The following EYS variants were observed in gnomAD, a reference collection of about 807,000 sequenced individuals.
EYS encodes protein eyes shut homolog.
In EYS, 250 loss-of-function variants were observed where a neutral mutation model predicts 282.1. The observed-to-expected ratio is 0.89, with a 90% CI of 0.80 to 0.98. The LOEUF (loss-of-function observed/expected upper bound fraction) is 0.98. Ranked by LOEUF, EYS falls within the 50% of genes least tolerant of loss-of-function variation. The pLI, the probability that EYS is intolerant of heterozygous loss-of-function variation, is 0.00. For missense variants in EYS, 4,016 were observed against 3,709.0 expected (o/e 1.08, Z -2.15); for synonymous variants, 1,355 against 1,282.9 (o/e 1.06, Z -1.20).
chr6:65,531,973 T>C (rs1767786576), intron 2 of EYS, among the ~76,000 whole-genome samples: 1 of 152,158 alleles, frequency 6.6e-6, no homozygotes, highest in Non-Finnish European at 1.5e-5. Context: ...TGTAAGTTAC[T>C]GTGTGATGTG....
chr6:63,951,877 T>G (rs2149766357), intron 35 of EYS, among the ~76,000 whole-genome samples: 1 of 152,314 alleles, frequency 6.6e-6, no homozygotes, highest in Middle Eastern at 3.4e-3. Context: ...AACCCTGAGA[T>G]GCTTTACAGC....
chr6:65,499,702 G>A (rs1766380025), intron 2 of EYS, among the ~76,000 whole-genome samples: 1 of 151,980 alleles, frequency 6.6e-6, no homozygotes, highest in African/African-American at 2.4e-5. Flanking sequence ...GTGAAAATGT[G>A]TGTTTCAGAA....
intron 31 of EYS, among the ~76,000 whole-genome samples, chr6:64,149,905 A>C (rs544212032): frequency 7.2e-5 from 11 of 152,290 alleles, no homozygotes; most frequent in African/African-American, 2.4e-4. Context: ...CCCTGCCTTC[A>C]TGGGGGTGGA....
intron 31 of EYS, among the ~76,000 whole-genome samples, chr6:64,086,579 C>T (rs1257873523): frequency 6.6e-6 from 1 of 152,100 alleles, no homozygotes; most frequent in Non-Finnish European, 1.5e-5. Context: ...GAACGTTCTT[C>T]CTCAAATCCT....
At chr6:64,546,201 C>T (rs1175849407) in intron 26 of EYS, among the ~76,000 whole-genome samples, 5 of 152,008 alleles carry the variant, frequency 3.3e-5, no homozygotes, top group African/African-American at 7.3e-5. Context: ...AGAACAGAGC[C>T]CTCAGAAATA....
intron 11 of EYS, among the ~76,000 whole-genome samples, chr6:65,309,163 T>A (rs1769088808): frequency 6.6e-6 from 1 of 152,124 alleles, no homozygotes; most frequent in Non-Finnish European, 1.5e-5. Context: ...TATTCTTTCG[T>A]CAGATTTCCT....
intron 22 of EYS, among the ~76,000 whole-genome samples, chr6:64,796,120 C>A (rs771250354): frequency 6.6e-6 from 1 of 152,180 alleles, no homozygotes; most frequent in Non-Finnish European, 1.5e-5. Flanking sequence ...TGAGGCAGTA[C>A]TGAAAGAAGA....
At chr6:65,153,537 A>T (rs1282453289) in intron 12 of EYS, among the ~76,000 whole-genome samples, 1 of 151,756 alleles carries the variant, frequency 6.6e-6, no homozygotes, top group South Asian at 2.1e-4. Context: ...CACCATATCT[A>T]CACGAAGGCT....
chr6:64,423,757 G>A (rs766599776), intron 28 of EYS, among the ~76,000 whole-genome samples: 4 of 152,100 alleles, frequency 2.6e-5, no homozygotes, highest in African/African-American at 7.2e-5. Context: ...GCAGTGAGCC[G>A]AGATCATGCC....
chr6:64,788,803 C>A (rs1774097070), intron 22 of EYS, among the ~76,000 whole-genome samples: 1 of 152,156 alleles, frequency 6.6e-6, no homozygotes, highest in African/African-American at 2.4e-5. Context: ...GTTAATACAT[C>A]TTTTCTCTTG....
Position 63,781,181 on chromosome 6 carries a change from G to A in EYS, c.7724-3001C>T, listed in dbSNP as rs1043787092. Among the ~76,000 whole-genome samples, 21 of 152,316 alleles carry A rather than the reference G, an allele frequency of 1.4e-4. No homozygotes were observed. In the South Asian group the frequency reaches 2.3e-3, roughly 17 times the overall value. On this transcript the variant is annotated intron_variant, in intron 39 of 42. Coordinates refer to ENST00000503581, the MANE Select transcript of EYS (RefSeq NM_001142800.2). ...GTAGTATAGTTTGAAGTCACGTAGCGTGATGCCTCCAGGTTTGTCCTTTTT... is the reference window on the plus strand; with the variant it reads ...GTAGTATAGTTTGAAGTCACGTAGCATGATGCCTCCAGGTTTGTCCTTTTT...
chr6:63,923,551 T>A (rs1033708354), intron 35 of EYS, among the ~76,000 whole-genome samples: 10 of 152,196 alleles, frequency 6.6e-5, no homozygotes, highest in East Asian at 1.9e-4. Context: ...CTTTAAAAAA[T>A]TTTTATAAGA....
chr6:63,842,872 C>A (rs992312845), intron 36 of EYS, among the ~76,000 whole-genome samples: 9 of 152,046 alleles, frequency 5.9e-5, no homozygotes, highest in Admixed American at 2.0e-4. Context: ...GAATTTTTTC[C>A]CCATTGCTTG....
chr6:64,058,585 CT>C (rs796639872), intron 33 of EYS, among the ~76,000 whole-genome samples: 2 of 152,280 alleles, frequency 1.3e-5, no homozygotes, highest in African/African-American at 4.8e-5. Flanking sequence ...GATGTTTCCC[CT>C]GAATCTTACT....
chr6:64,130,750 T>G (rs1773947864), intron 31 of EYS, among the ~76,000 whole-genome samples: 1 of 152,002 alleles, frequency 6.6e-6, no homozygotes, highest in African/African-American at 2.4e-5. Context: ...CAACTAAACA[T>G]GGCATATTAG....
intron 12 of EYS, among the ~76,000 whole-genome samples, chr6:65,295,201 G>A (rs1367325198): frequency 6.6e-6 from 1 of 151,134 alleles, no homozygotes; most frequent in Admixed American, 6.6e-5. Flanking sequence ...TATGGCCACT[G>A]TTCTGATTTT....
At chr6:65,427,410 C>T (rs1175368704) in intron 5 of EYS, among the ~76,000 whole-genome samples, 1 of 98,972 alleles carries the variant, frequency 1.0e-5, no homozygotes, top group Non-Finnish European at 2.7e-5. Context: ...TATGCATTGA[C>T]TATCTCATGT....
In EYS at chr6:65,139,428, T is replaced by C. The variant is rs376128761; in HGVS notation, c.2024-81701A>G. Among the ~76,000 whole-genome samples the C allele has an allele frequency of 7.2e-5, 11 of 152,122 alleles. No individual in the cohort carries two copies. The East Asian group carries it at 1.4e-3, about 19-fold the overall frequency. ...AAGGGAACAACAGACACCAGGAGCC[T>C]ATTTGAGGGTGAAGGGAAGGAAGAG... On this transcript the variant is annotated intron_variant, in intron 12 of 42. Transcript: ENST00000503581.
Position 64,591,486 on chromosome 6 carries a change from C to CA in EYS, c.4380dup (p.Val1461CysfsTer3). 2 of 1,551,286 alleles carry CA rather than the reference C, an allele frequency of 1.3e-6. No homozygotes were observed. The highest frequency in any genetic ancestry group is 1.7e-6 in the Non-Finnish European group (2 of 1,146,766). The stretch of plus-strand genomic sequence containing the variant: ...ATATCCTCTTGAGCCCCCCTAGAGA[C>CA]AACTGGAGTTGCACTTATGGAGGCA... On this transcript the variant is annotated frameshift_variant, in exon 26 of 43. Coordinates refer to ENST00000503581, the MANE Select transcript of EYS (RefSeq NM_001142800.2). LOFTEE classifies it high-confidence loss of function.
Sources: allele counts gnomAD v4.1 joint callset (sites outside exome capture counted in the v4.1 genomes callset), GRCh38; gene constraint gnomAD v4.1.1; transcripts MANE v1.5; gene names NCBI Gene and HGNC (gene_info 2026-07-23, HGNC 2026-07-21).